Variants in LCP1 observed in about 807,000 individuals in gnomAD.
The protein encoded by LCP1 is lymphocyte cytosolic protein 1.
In LCP1, 23 loss-of-function variants were observed where a neutral mutation model predicts 72.0. That is an observed-to-expected ratio of 0.32 (90% CI 0.23 to 0.45). The LOEUF (loss-of-function observed/expected upper bound fraction) is 0.45. Among genes scored for constraint, LCP1 ranks in the 20% least tolerant of loss-of-function variants. The probability of loss-of-function intolerance (pLI) is 1.00; values close to 1 mark genes in which losing one functional copy is unlikely to be tolerated. For missense variants in LCP1, 571 were observed against 748.3 expected (o/e 0.76, Z 2.76); for synonymous variants, 245 against 275.4 (o/e 0.89, Z 1.09).
intron 13 of LCP1, among the ~76,000 whole-genome samples, chr13:46,142,061 A>G (rs1230839976): frequency 6.6e-6 from 1 of 152,178 alleles, no homozygotes; most frequent in Admixed American, 6.5e-5. Flanking sequence ...ATTAGAATGA[A>G]ACAACAATCT....
intron 1 of LCP1, among the ~76,000 whole-genome samples, chr13:46,164,501 G>C: frequency 6.6e-6 from 1 of 152,152 alleles, no homozygotes; most frequent in South Asian, 2.1e-4. Context: ...TGAGTGGAGA[G>C]GATAAACTCA....
chr13:46,174,743 G>T (rs2045919873), intron 1 of LCP1, among the ~76,000 whole-genome samples: 1 of 151,738 alleles, frequency 6.6e-6, no homozygotes, highest in Admixed American at 6.6e-5. Context: ...CTACTCAGGA[G>T]GCTGAGGCAG....
At chr13:46,178,568 C>T (rs1159862734) in intron 1 of LCP1, among the ~76,000 whole-genome samples, 3 of 152,126 alleles carry the variant, frequency 2.0e-5, no homozygotes, top group Admixed American at 6.5e-5. Flanking sequence ...TTAAGGAGTG[C>T]GCTTCCATCT....
rs76093872 is a variant in LCP1 at position 46,145,544 on chromosome 13, G to A, written c.1175-1024C>T. Among the ~76,000 whole-genome samples the A allele has an allele frequency of 2.7e-3, 412 of 152,066 alleles. 1 individual carries two copies. The highest frequency in any genetic ancestry group is 4.9e-3 in the Non-Finnish European group (333 of 67,986). On this transcript the variant is annotated intron_variant, in intron 10 of 15. Coordinates refer to ENST00000323076, the MANE Select transcript of LCP1 (RefSeq NM_002298.5). ...TAGGGATGAAGGATAGGAAGATATA[G>A]TAGGATCCAAGCTCTTTAGTTTGGT... is the stretch of plus-strand genomic sequence containing the variant.
At chr13:46,163,351 C>T (rs1277557252) in intron 1 of LCP1, among the ~76,000 whole-genome samples, 3 of 152,180 alleles carry the variant, frequency 2.0e-5, no homozygotes, top group Non-Finnish European at 4.4e-5. Context: ...ACCCCGTGCT[C>T]TCTGAAACAT....
At chr13:46,177,594 C>T (rs1008410975) in intron 1 of LCP1, among the ~76,000 whole-genome samples, 1 of 152,144 alleles carries the variant, frequency 6.6e-6, no homozygotes, top group Non-Finnish European at 1.5e-5. Flanking sequence ...AAGCCGAGAT[C>T]ACGCAACTGT....
intron 13 of LCP1, among the ~76,000 whole-genome samples, chr13:46,141,192 G>T (rs1397815246): frequency 1.3e-5 from 2 of 151,976 alleles, no homozygotes; most frequent in African/African-American, 4.8e-5. Flanking sequence ...CGGATCATTA[G>T]GTCAGGAGTT....
chr13:46,142,484 G>C lies in LCP1; in HGVS notation c.1369-59C>G, dbSNP rs1433679167. On this transcript the variant is annotated intron_variant, in intron 12 of 15. Coordinates refer to ENST00000323076, the MANE Select transcript of LCP1 (RefSeq NM_002298.5). The stretch of plus-strand genomic sequence containing the variant: ...ATCATCTTGATTATGATAAATACCA[G>C]ATAAATAATAAAAATAAAGATAAAA... 6 of 1,524,052 alleles carry C rather than the reference G, an allele frequency of 3.9e-6. No homozygotes were observed. In the African/African-American group the frequency reaches 8.3e-5, roughly 21 times the overall value. 94.4% of individuals were successfully genotyped at this position (1,524,052 alleles called of 1,614,324 possible).
At chr13:46,128,532 AG>A (rs2045614757) in intron 15 of LCP1, among the ~76,000 whole-genome samples, 1 of 152,106 alleles carries the variant, frequency 6.6e-6, no homozygotes, top group Non-Finnish European at 1.5e-5. Flanking sequence ...CGGGAGGCGG[AG>A]GCTGCAGTGA....
At chr13:46,144,735 G>T (rs1221487010) in intron 10 of LCP1, among the ~76,000 whole-genome samples, 2 of 152,162 alleles carry the variant, frequency 1.3e-5, no homozygotes, top group Non-Finnish European at 2.9e-5. Flanking sequence ...TCTATTAATA[G>T]TGTGTGGAAT....
chr13:46,162,249 C>A (rs796568299), intron 1 of LCP1, among the ~76,000 whole-genome samples: 1 of 100,174 alleles, frequency 1.0e-5, no homozygotes, highest in Non-Finnish European at 2.1e-5. Flanking sequence ...TTCTCCCTCT[C>A]CCTCCCCCTC....
Position 46,171,878 on chromosome 13 carries a change from T to A in LCP1, c.-25+10233A>T, listed in dbSNP as rs114169085. Among the ~76,000 whole-genome samples, 441 of 152,374 alleles carry A rather than the reference T, an allele frequency of 2.9e-3. 1 individual carries two copies. The highest frequency in any genetic ancestry group is 9.9e-3 in the African/African-American group (413 of 41,592). On this transcript the variant is annotated intron_variant, in intron 1 of 15. Transcript: ENST00000323076. ...GCCCTCATTGTCCTCAGGGTCAGCA[T>A]CTGCAACCAAATGTGGATGGAAAAT... is the stretch of plus-strand genomic sequence containing the variant.
chr13:46,129,970 C>T (rs145160531), intron 15 of LCP1, among the ~76,000 whole-genome samples: 77 of 152,260 alleles, frequency 5.1e-4, no homozygotes, highest in African/African-American at 1.7e-3. Context: ...GTCACAGACA[C>T]GCAAGAAGAA....
chr13:46,153,558 G>T (rs965556420), intron 6 of LCP1, among the ~76,000 whole-genome samples: 1 of 151,992 alleles, frequency 6.6e-6, no homozygotes, highest in Non-Finnish European at 1.5e-5. Flanking sequence ...AAAATTAGCT[G>T]GGCATGGTGG....
intron 1 of LCP1, among the ~76,000 whole-genome samples, chr13:46,160,017 G>T (rs1053371345): frequency 6.6e-6 from 1 of 152,060 alleles, no homozygotes; most frequent in Non-Finnish European, 1.5e-5. Flanking sequence ...TGATGTCTGG[G>T]GCTGGAAACT....
chr13:46,148,131 T>C (rs796126829), intron 9 of LCP1, among the ~76,000 whole-genome samples: 3 of 152,376 alleles, frequency 2.0e-5, no homozygotes, highest in African/African-American at 7.2e-5. Flanking sequence ...GCATGCTGGA[T>C]GGTGTTTAAT....
At position 46,138,965 on chromosome 13, in the gene LCP1, T is replaced by C. The variant is rs539291357; in HGVS notation, c.1502+3327A>G. 3.3e-5 allele frequency among the ~76,000 whole-genome samples: 5 copies of C among 152,236 alleles called. No individual in the cohort carries two copies. In the East Asian group the frequency reaches 7.7e-4, roughly 23 times the overall value. ...CCGCTGGCTTGAGCTTTTTAATCATTAAAATAGCATATATTAAAGATTATT... is the reference window on the plus strand; with the variant it reads ...CCGCTGGCTTGAGCTTTTTAATCATCAAAATAGCATATATTAAAGATTATT... On this transcript the variant is annotated intron_variant, in intron 13 of 15. Coordinates refer to ENST00000323076, the MANE Select transcript of LCP1 (RefSeq NM_002298.5).
chr13:46,137,966 T>C (rs1331756055), intron 13 of LCP1, among the ~76,000 whole-genome samples: 2 of 152,228 alleles, frequency 1.3e-5, no homozygotes, highest in African/African-American at 4.8e-5. Flanking sequence ...AGGCATTTTG[T>C]TTTTCAAGGA....
chr13:46,173,333 G>C (rs7338612), intron 1 of LCP1, among the ~76,000 whole-genome samples: 3 of 152,046 alleles, frequency 2.0e-5, no homozygotes, highest in African/African-American at 7.3e-5. Context: ...CAATCACACC[G>C]TTCATTTCAT....
Sources: gnomAD v4.1 joint callset for allele counts (sites outside exome capture counted in the v4.1 genomes callset) on GRCh38, gnomAD v4.1.1 for gene constraint, MANE v1.5 for transcripts, NCBI Gene and HGNC (gene_info 2026-07-23, HGNC 2026-07-21) for gene names.